TEAD4: variants seen among roughly 807,000 people sequenced by gnomAD.
The protein encoded by TEAD4 is TEA domain transcription factor 4.
A neutral mutation model predicts 52.4 loss-of-function variants in TEAD4; 36 were observed. The observed-to-expected ratio is 0.69, with a 90% CI of 0.53 to 0.91. The LOEUF (loss-of-function observed/expected upper bound fraction) is 0.91. TEAD4 is among the 40% of genes least tolerant of loss of function. The probability of loss-of-function intolerance (pLI) is 0.00; values close to 1 mark genes in which losing one functional copy is unlikely to be tolerated. For missense variants in TEAD4, 508 were observed against 583.9 expected, an observed-to-expected ratio of 0.87 and a Z score of 1.34; for synonymous variants, 220 against 231.0, an observed-to-expected ratio of 0.95 and a Z score of 0.43.
At chr12:2,965,483 C>T (rs1023514238) in intron 2 of TEAD4, among the ~76,000 whole-genome samples, 1 of 150,958 alleles carries the variant, frequency 6.6e-6, no homozygotes, top group Non-Finnish European at 1.5e-5. Flanking sequence ...CTAGTAGCCA[C>T]CTTAAAAAAA....
intron 5 of TEAD4, among the ~76,000 whole-genome samples, chr12:3,012,820 C>T (rs182817036): frequency 1.7e-4 from 26 of 152,300 alleles, no homozygotes; most frequent in African/African-American, 5.8e-4. Context: ...GACCCTGGAA[C>T]CAGGGGCCTT....
intron 3 of TEAD4, 83 bp downstream of exon 3, chr12:2,995,075 A>G (rs2098246071): frequency 6.6e-7 from 1 of 1,515,862 alleles, no homozygotes; most frequent in African/African-American, 1.4e-5. Context: ...CTGCCGGGCC[A>G]CAGAAGGGGA....
At chr12:3,016,132 A>G (rs927508423) in intron 5 of TEAD4, among the ~76,000 whole-genome samples, 4 of 152,094 alleles carry the variant, frequency 2.6e-5, no homozygotes, top group African/African-American at 4.8e-5. Flanking sequence ...GGTTTAAGCA[A>G]TCCTCCCACC....
chr12:3,017,006 T>A, intron 5 of TEAD4: 1 of 446,806 alleles, frequency 2.2e-6, no homozygotes, highest in Non-Finnish European at 4.5e-6. Flanking sequence ...CCAGGGATGA[T>A]GCTTCCTGTG....
chr12:2,974,081 C>T (rs1452038375), intron 2 of TEAD4, among the ~76,000 whole-genome samples: 1 of 152,198 alleles, frequency 6.6e-6, no homozygotes, highest in East Asian at 1.9e-4. Flanking sequence ...GATCTTGGCT[C>T]ACTGCAGCCT....
rs1436866573 is a variant in TEAD4, at chr12:3,017,476, C to A, written c.433C>A (p.His145Asn). The A allele has an allele frequency of 6.2e-7, 1 of 1,614,184 alleles. No individual in the cohort carries two copies. Among genetic ancestry groups the A allele is most frequent in the Non-Finnish European group, 8.5e-7 (1 of 1,180,038 alleles). Reference sequence around the variant, plus strand: ...ACAGATCATCTCCGCCACGGCCTTCCACAGTAGCATGGCCCTCGCCCGGGG... The same window carrying A: ...ACAGATCATCTCCGCCACGGCCTTCAACAGTAGCATGGCCCTCGCCCGGGG... Residue 145 changes from histidine (H) to asparagine (N), a missense_variant, in exon 6 of 13, where the codon CAC becomes AAC. Transcript: ENST00000359864.
At chr12:2,974,158 C>T (rs962040122) in intron 2 of TEAD4, among the ~76,000 whole-genome samples, 8 of 152,134 alleles carry the variant, frequency 5.3e-5, no homozygotes, top group South Asian at 2.1e-4. Context: ...TGAGCCACCA[C>T]GCCTGGCTAA....
At chr12:2,989,585 C>T (rs1415367659) in intron 2 of TEAD4, among the ~76,000 whole-genome samples, 4 of 151,858 alleles carry the variant, frequency 2.6e-5, no homozygotes, top group Non-Finnish European at 5.9e-5. Flanking sequence ...ATGACAGGCG[C>T]CCACCACCAC....
intron 2 of TEAD4, among the ~76,000 whole-genome samples, chr12:2,985,853 A>C (rs2098237998): frequency 6.6e-6 from 1 of 151,906 alleles, no homozygotes; most frequent in African/African-American, 2.4e-5. Context: ...TGGGAGGCCG[A>C]GGCGGGTGGA....
At chr12:2,981,506 C>T (rs1255954452) in intron 2 of TEAD4, among the ~76,000 whole-genome samples, 11 of 152,190 alleles carry the variant, frequency 7.2e-5, no homozygotes, top group Admixed American at 5.9e-4. Context: ...TCACTGCACC[C>T]GCTTGTGCCC....
intron 2 of TEAD4, among the ~76,000 whole-genome samples, chr12:2,988,879 C>T (rs1396969359): frequency 6.6e-6 from 1 of 152,170 alleles, no homozygotes; most frequent in Admixed American, 6.5e-5. Flanking sequence ...TGAAGGGTGG[C>T]GTACCCAGGA....
chr12:3,037,361 A>G (rs916444675), intron 10 of TEAD4, among the ~76,000 whole-genome samples: 2 of 152,138 alleles, frequency 1.3e-5, no homozygotes, highest in Admixed American at 6.5e-5. Flanking sequence ...ATGTCAAAAG[A>G]TCCAAGGTGA....
Position 3,040,380 on chromosome 12 carries a change from G to C in TEAD4, c.1207G>C (p.Asp403His), listed in dbSNP as rs1035099586. The change falls in exon 13 of 13, where the codon GAC becomes CAC. Residue 403 changes from aspartate (D) to histidine (H), a missense_variant. Coordinates refer to ENST00000359864, the MANE Select transcript of TEAD4 (RefSeq NM_003213.4). Reference sequence around the variant, plus strand: ...TCTCCCACAGGTGGTCACCAACAGAGACACACAGGAGACCTTGCTGTGCAT... The same window carrying C: ...TCTCCCACAGGTGGTCACCAACAGACACACACAGGAGACCTTGCTGTGCAT... The C allele has an allele frequency of 6.2e-7, 1 of 1,614,220 alleles. No individual in the cohort carries two copies. The highest frequency in any genetic ancestry group is 8.5e-7 in the Non-Finnish European group (1 of 1,180,036).
At chr12:3,022,086 G>A in intron 10 of TEAD4, 69 bp downstream of exon 10, 1 of 1,570,420 alleles carries the variant, frequency 6.4e-7, no homozygotes, top group Non-Finnish European at 8.7e-7. Flanking sequence ...GGGCGAGAGT[G>A]CCCAGAGTGT....
chr12:3,018,658 A>G (rs773368691), intron 7 of TEAD4, 70 bp downstream of exon 7: 18 of 1,603,254 alleles, frequency 1.1e-5, no homozygotes, highest in Admixed American at 1.7e-5. Context: ...AACTCATGGC[A>G]TTAAGCCTGG....
chr12:2,998,046 T>C (rs1405207692), intron 3 of TEAD4, among the ~76,000 whole-genome samples: 1 of 152,166 alleles, frequency 6.6e-6, no homozygotes, highest in Admixed American at 6.5e-5. Context: ...GCTTTCTGTC[T>C]TTATGGGTCT....
chr12:2,960,261 G>A, intron 2 of TEAD4: 3 of 984,516 alleles, frequency 3.0e-6, no homozygotes, highest in Non-Finnish European at 2.4e-6. Context: ...GACCGGAGAG[G>A]CAGAACCGAG....
At chr12:2,962,463 G>A (rs140644801) in intron 2 of TEAD4, among the ~76,000 whole-genome samples, 2,446 of 151,446 alleles carry the variant, frequency 0.016, 81 homozygotes, top group African/African-American at 0.056. Context: ...AGCCTCCCAA[G>A]TAGCTAGAAT....
intron 2 of TEAD4, among the ~76,000 whole-genome samples, chr12:2,969,418 C>T (rs920832574): frequency 5.9e-5 from 9 of 152,166 alleles, no homozygotes; most frequent in African/African-American, 1.2e-4. Flanking sequence ...GCCTTGGAAC[C>T]GATCACCCAC....
Sources: allele counts gnomAD v4.1 joint callset (sites outside exome capture counted in the v4.1 genomes callset), GRCh38; gene constraint gnomAD v4.1.1; transcripts MANE v1.5; gene names NCBI Gene and HGNC (gene_info 2026-07-23, HGNC 2026-07-21).